Variants in PGAP1 observed in about 807,000 individuals in gnomAD.
PGAP1 encodes GPI inositol-deacylase.
Under a neutral mutation model 127.0 loss-of-function variants are expected in PGAP1, and 76 were observed. The observed-to-expected ratio is 0.60, with a 90% confidence interval of 0.50 to 0.72. The LOEUF (loss-of-function observed/expected upper bound fraction) is 0.72. PGAP1 is among the 30% of genes least tolerant of loss of function. PGAP1 has a pLI of 0.00. For missense variants in PGAP1, 982 were observed against 1,071.3 expected, an observed-to-expected ratio of 0.92 and a Z score of 1.16; for synonymous variants, 362 against 366.5, an observed-to-expected ratio of 0.99 and a Z score of 0.14.
intron 3 of PGAP1, 36 bp downstream of exon 3, chr2:196,916,382 G>C (rs1281895185): frequency 6.6e-7 from 1 of 1,519,096 alleles, no homozygotes; most frequent in African/African-American, 1.4e-5. Context: ...GTGCCGATAG[G>C]TTGCACCACT....
At chr2:196,881,279 A>AT (rs1701722460) in intron 12 of PGAP1, among the ~76,000 whole-genome samples, 1 of 152,170 alleles carries the variant, frequency 6.6e-6, no homozygotes, top group South Asian at 2.1e-4. Context: ...ATTGATGGGA[A>AT]TTTAGGTTGA....
Position 196,926,619 on chromosome 2 carries a change from T to TGCCGCCACCACCGCC in PGAP1, c.-18_-4dup. On this transcript the variant is annotated 5_prime_UTR_variant, in exon 1 of 27. Coordinates refer to ENST00000354764, the MANE Select transcript of PGAP1 (RefSeq NM_024989.4). ...AGATTAACTGAGTGAAGAAACATGG[T>TGCCGCCACCACCGCC]GCCGCCACCACCGCCGCCGCCGCCG... 6.2e-7 allele frequency: 1 copy of TGCCGCCACCACCGCC among 1,613,884 alleles called. No homozygotes were observed.
chr2:196,866,001 T>C (rs764605811), intron 19 of PGAP1, among the ~76,000 whole-genome samples: 3 of 152,210 alleles, frequency 2.0e-5, no homozygotes, highest in Non-Finnish European at 4.4e-5. Flanking sequence ...AAACATTTCA[T>C]GCTCATGGAT....
At chr2:196,853,051 C>T (rs571571943) in intron 20 of PGAP1, among the ~76,000 whole-genome samples, 18 of 152,340 alleles carry the variant, frequency 1.2e-4, no homozygotes, top group Admixed American at 1.0e-3. Context: ...AGCAGCAAGG[C>T]TTTCTTGAAA....
intron 2 of PGAP1, among the ~76,000 whole-genome samples, chr2:196,919,154 T>G (rs779722556): frequency 4.6e-5 from 7 of 152,172 alleles, no homozygotes; most frequent in African/African-American, 1.2e-4. Context: ...CCTTTTATCT[T>G]CTACCTCCTG....
chr2:196,843,987 G>A lies in PGAP1; in HGVS notation c.2426C>T (p.Ala809Val), dbSNP rs1700487143. 1.2e-6 allele frequency: 2 copies of A among 1,608,034 alleles called. No homozygotes were observed. Among genetic ancestry groups the A allele is most frequent in the Non-Finnish European group, 1.7e-6 (2 of 1,175,712 alleles). Residue 809 changes from alanine (A) to valine (V), a missense_variant, in exon 25 of 27, where the codon GCT becomes GTT. Physicochemically the swap from Ala to Val is moderately conservative, Grantham distance 64. Coordinates refer to ENST00000354764, the MANE Select transcript of PGAP1 (RefSeq NM_024989.4). ...ACTGTGCATGCGAAGGCTATCTTCA[G>A]CATCGTTGGCAGATAAACGAAGATG... ...IHHLRLSAND[A>V]EDSLRMHSTV...
At chr2:196,846,123 G>T in intron 22 of PGAP1, 106 bp from the exon 23 acceptor site, 1 of 576,500 alleles carries the variant, frequency 1.7e-6, no homozygotes, top group African/African-American at 1.9e-5. Context: ...TTGCTTATAT[G>T]CAAATACATA....
chr2:196,861,608 G>T (rs984154385), intron 20 of PGAP1, among the ~76,000 whole-genome samples: 1 of 152,152 alleles, frequency 6.6e-6, no homozygotes, highest in Non-Finnish European at 1.5e-5. Context: ...GGACAAGGCA[G>T]GCAGATCGCC....
At chr2:196,858,546 T>G (rs1018645288) in intron 20 of PGAP1, among the ~76,000 whole-genome samples, 3 of 149,018 alleles carry the variant, frequency 2.0e-5, no homozygotes, top group African/African-American at 7.4e-5. Flanking sequence ...AAGAGGAGAG[T>G]TCATAGCAAT....
intron 1 of PGAP1, among the ~76,000 whole-genome samples, chr2:196,921,595 G>A (rs1276091924): frequency 6.6e-6 from 1 of 151,836 alleles, no homozygotes; most frequent in Non-Finnish European, 1.5e-5. Flanking sequence ...AACAGAGTTT[G>A]GACAAGTCGA....
chr2:196,870,104 T>A (rs1460177636), intron 19 of PGAP1, among the ~76,000 whole-genome samples: 1 of 152,212 alleles, frequency 6.6e-6, no homozygotes, highest in Non-Finnish European at 1.5e-5. Context: ...TATGCAGCAT[T>A]TTTGTAATAT....
chr2:196,924,620 T>G (rs1703311282), intron 1 of PGAP1, among the ~76,000 whole-genome samples: 1 of 152,192 alleles, frequency 6.6e-6, no homozygotes, highest in Non-Finnish European at 1.5e-5. Context: ...TCTGCCACTG[T>G]GATTATTACT....
intron 10 of PGAP1, among the ~76,000 whole-genome samples, chr2:196,890,372 A>G (rs1045226024): frequency 6.6e-6 from 1 of 152,250 alleles, no homozygotes; most frequent in African/African-American, 2.4e-5. Flanking sequence ...CAGTAAATCT[A>G]GATAACATTG....
Position 196,840,432 on chromosome 2 carries a change from T to C in PGAP1, c.*802A>G, listed in dbSNP as rs1700373953. On this transcript the variant is annotated 3_prime_UTR_variant, in exon 27 of 27. Transcript: ENST00000354764. ...TGGTGCAATGAATTGAATCCAATGG[T>C]ATAAACTAAACAACTGAACTGCTCC... 6.6e-6 allele frequency: 1 copy of C among 152,014 alleles called. No homozygotes were observed. Among genetic ancestry groups the C allele is most frequent in the African/African-American group, 2.4e-5 (1 of 41,364 alleles). 9.4% of individuals were successfully genotyped at this position (152,014 alleles called of 1,614,324 possible).
At chr2:196,868,994 T>G (rs1701327558) in intron 19 of PGAP1, among the ~76,000 whole-genome samples, 1 of 152,202 alleles carries the variant, frequency 6.6e-6, no homozygotes, top group Non-Finnish European at 1.5e-5. Flanking sequence ...TTTTAATTTT[T>G]TTATAGAACT....
chr2:196,842,048 T>TAA (rs576737159), intron 26 of PGAP1, among the ~76,000 whole-genome samples: 1 of 127,456 alleles, frequency 7.8e-6, no homozygotes, highest in African/African-American at 2.9e-5. Flanking sequence ...ACCCTACTTA[T>TAA]AAAAAAAAAA....
chr2:196,836,867 C>T lies in PGAP1; in HGVS notation c.*4367G>A, dbSNP rs1410487817. ...GTCATGCACTCCAAATGGATTTTCC[C>T]CAGTAAATTTTACAAAGTATCTTGT... On this transcript the variant is annotated 3_prime_UTR_variant, in exon 27 of 27. Coordinates refer to ENST00000354764, the MANE Select transcript of PGAP1 (RefSeq NM_024989.4). The T allele has an allele frequency of 6.6e-6, 1 of 152,078 alleles. No homozygotes were observed. The allele number at this position is 152,078 out of a possible 1,614,324, so 9.4% of individuals were successfully genotyped here.
At chr2:196,848,389 C>G (rs1488919975) in intron 20 of PGAP1, among the ~76,000 whole-genome samples, 9 of 152,118 alleles carry the variant, frequency 5.9e-5, no homozygotes, top group African/African-American at 2.2e-4. Flanking sequence ...TTAGTATATT[C>G]AGAATTGTAC....
chr2:196,855,830 T>C (rs374455561), intron 20 of PGAP1, among the ~76,000 whole-genome samples: 5 of 152,152 alleles, frequency 3.3e-5, no homozygotes, highest in Non-Finnish European at 7.4e-5. Context: ...AAATATTGTA[T>C]TGAATGTTAG....
Sources: gnomAD v4.1 joint callset for allele counts (sites outside exome capture counted in the v4.1 genomes callset) on GRCh38, gnomAD v4.1.1 for gene constraint, MANE v1.5 for transcripts, NCBI Gene and HGNC (gene_info 2026-07-23, HGNC 2026-07-21) for gene names.